KDM4C: variants seen among roughly 807,000 people sequenced by gnomAD.
KDM4C encodes lysine-specific demethylase 4C.
In KDM4C, 81 loss-of-function variants were observed where a neutral mutation model predicts 129.3. The observed-to-expected ratio is 0.63, with a 90% CI of 0.52 to 0.75. The LOEUF is 0.75. KDM4C is among the 30% of genes least tolerant of loss of function. The probability of loss-of-function intolerance (pLI) is 0.00; values close to 1 mark genes in which losing one functional copy is unlikely to be tolerated. For synonymous variants in KDM4C, 573 were observed against 456.1 expected (o/e 1.26, Z -3.26); for missense variants, 1,457 against 1,304.0 (o/e 1.12, Z -1.81).
intron 8 of KDM4C, among the ~76,000 whole-genome samples, chr9:6,956,751 T>A (rs1829133684): frequency 6.6e-6 from 1 of 152,212 alleles, no homozygotes; most frequent in African/African-American, 2.4e-5. Context: ...CCTCATGTAT[T>A]TAGATGTTGT....
chr9:6,753,739 G>A (rs12550912), upstream of KDM4C, among the ~76,000 whole-genome samples: 8 of 152,140 alleles, frequency 5.3e-5, no homozygotes, highest in Admixed American at 4.6e-4. Context: ...CTGCAGTTAC[G>A]GCATTAATTC....
chr9:7,001,401 A>C (rs988866926), intron 12 of KDM4C, among the ~76,000 whole-genome samples: 1 of 152,266 alleles, frequency 6.6e-6, no homozygotes, highest in Admixed American at 6.5e-5. Context: ...CCTTCAAGTG[A>C]GTGAACCATG....
At chr9:6,856,985 C>G (rs1174000809) in intron 5 of KDM4C, among the ~76,000 whole-genome samples, 1 of 152,118 alleles carries the variant, frequency 6.6e-6, no homozygotes, top group Admixed American at 6.5e-5. Flanking sequence ...TCTCGATCTC[C>G]TGACCTCATG....
chr9:6,847,467 C>T (rs931909924), intron 4 of KDM4C, among the ~76,000 whole-genome samples: 12 of 151,928 alleles, frequency 7.9e-5, no homozygotes, highest in East Asian at 1.9e-4. Context: ...GGCACGATCT[C>T]GGCTCACTGC....
intron 20 of KDM4C, among the ~76,000 whole-genome samples, chr9:7,169,393 T>A (rs1470949125): frequency 6.6e-6 from 1 of 152,228 alleles, no homozygotes; most frequent in African/African-American, 2.4e-5. Flanking sequence ...TGGAGTGCAG[T>A]GGTGCGATCT....
chr9:6,746,571 T>G (rs535702619), intron 1 of KDM4C, among the ~76,000 whole-genome samples: 1 of 147,340 alleles, frequency 6.8e-6, no homozygotes, highest in African/African-American at 2.5e-5. Context: ...GCCCGGCCCA[T>G]TTTGTATTTT....
intron 8 of KDM4C, among the ~76,000 whole-genome samples, chr9:6,956,532 A>C (rs1423336000): frequency 6.6e-6 from 1 of 152,188 alleles, no homozygotes; most frequent in Non-Finnish European, 1.5e-5. Context: ...GGGTTGGCAC[A>C]CTATACCCCC....
rs553618142 is a variant in KDM4C, at chr9:7,137,801, A to G, written c.2781+9565A>G. Among the ~76,000 whole-genome samples, 4 of 152,382 alleles carry G rather than the reference A, an allele frequency of 2.6e-5. No homozygotes were observed. The South Asian group carries it at 8.3e-4, about 32-fold the overall frequency. ...GTGCTAACACCCCAGGATATAGCAC[A>G]TAAATTGGTGACACATCCCAGAAGA... On this transcript the variant is annotated intron_variant, in intron 19 of 21. Coordinates refer to ENST00000381309, the MANE Select transcript of KDM4C (RefSeq NM_015061.6).
At position 7,036,499 on chromosome 9, in the gene KDM4C, A is replaced by C. The variant is rs141695490; in HGVS notation, c.2260-10363A>C. ...TAGCTACCAGAGCGGTGCTCTGAAC[A>C]CCTCAAATTAATTTTCATAGCATTG... On this transcript the variant is annotated intron_variant, in intron 15 of 21. Transcript: ENST00000381309. Among the ~76,000 whole-genome samples the C allele has an allele frequency of 3.0e-3, 456 of 152,224 alleles. 2 individuals are homozygous for C. Among genetic ancestry groups the C allele is most frequent in the Admixed American group, 5.0e-3 (77 of 15,286 alleles).
chr9:6,918,938 G>A (rs1160005751), intron 8 of KDM4C, among the ~76,000 whole-genome samples: 1 of 151,872 alleles, frequency 6.6e-6, no homozygotes, highest in African/African-American at 2.4e-5. Flanking sequence ...TGCAACCTCT[G>A]CTGCCTGGGT....
chr9:7,128,420 C>G (rs1225459452), intron 19 of KDM4C, among the ~76,000 whole-genome samples, 184 bp downstream of exon 19: 1 of 145,226 alleles, frequency 6.9e-6, no homozygotes, highest in Non-Finnish European at 1.5e-5. Context: ...CTTTTTTTGG[C>G]CAAACGTTAT....
At chr9:7,009,573 C>T (rs1165597531) in intron 12 of KDM4C, among the ~76,000 whole-genome samples, 1 of 152,090 alleles carries the variant, frequency 6.6e-6, no homozygotes, top group African/African-American at 2.4e-5. Flanking sequence ...TATAATGATT[C>T]CTTTGGTGCC....
intron 17 of KDM4C, among the ~76,000 whole-genome samples, chr9:7,098,463 C>T (rs1245386823): frequency 6.6e-6 from 1 of 152,162 alleles, no homozygotes; most frequent in Non-Finnish European, 1.5e-5. Flanking sequence ...ACTTGGAGTG[C>T]ATAAGAAATA....
intron 1 of KDM4C, among the ~76,000 whole-genome samples, chr9:6,780,084 A>G (rs1189715608): frequency 6.6e-6 from 1 of 152,132 alleles, no homozygotes; most frequent in Non-Finnish European, 1.5e-5. Context: ...TTCTCTCTAA[A>G]GAACACCACT....
intron 12 of KDM4C, among the ~76,000 whole-genome samples, chr9:7,005,896 T>C (rs1262736731): frequency 6.7e-6 from 1 of 149,130 alleles, no homozygotes; most frequent in Non-Finnish European, 1.5e-5. Flanking sequence ...TCTGATAGGT[T>C]GGAGCAGAGC....
At chr9:6,952,016 A>T (rs957854335) in intron 8 of KDM4C, among the ~76,000 whole-genome samples, 3 of 152,172 alleles carry the variant, frequency 2.0e-5, no homozygotes, top group East Asian at 3.8e-4. Flanking sequence ...ATATTTAAAA[A>T]ATATAATAAC....
intron 15 of KDM4C, among the ~76,000 whole-genome samples, chr9:7,041,845 T>C (rs1443631501): frequency 4.6e-5 from 7 of 152,046 alleles, no homozygotes; most frequent in Admixed American, 3.3e-4. Context: ...CTGCCTTTCA[T>C]AGTTGAGCTG....
chr9:7,032,784 C>T (rs769325180), intron 15 of KDM4C, among the ~76,000 whole-genome samples: 1 of 152,172 alleles, frequency 6.6e-6, no homozygotes, highest in Non-Finnish European at 1.5e-5. Context: ...AAGCCACTGA[C>T]CTAATCCTGA....
At chr9:6,935,387 C>T (rs1264724366) in intron 8 of KDM4C, among the ~76,000 whole-genome samples, 5 of 151,818 alleles carry the variant, frequency 3.3e-5, no homozygotes, top group African/African-American at 1.2e-4. Flanking sequence ...TATTTTTTAG[C>T]TACAGTAAAA....
Sources: allele counts gnomAD v4.1 joint callset (sites outside exome capture counted in the v4.1 genomes callset), GRCh38; gene constraint gnomAD v4.1.1; transcripts MANE v1.5; gene names NCBI Gene and HGNC (gene_info 2026-07-23, HGNC 2026-07-21).